FGFBP3: variants seen among roughly 807,000 people sequenced by gnomAD.
The protein encoded by FGFBP3 is fibroblast growth factor-binding protein 3.
FGFBP3 carries 4 observed loss-of-function variants against 4.8 expected under a neutral mutation model. The observed-to-expected ratio is 0.83, with a 90% confidence interval of 0.41 to 1.90. The LOEUF is 1.90. Ranked by LOEUF, FGFBP3 falls within the 40% of genes most tolerant of loss-of-function variation. The probability of loss-of-function intolerance (pLI) is 0.03; values close to 1 mark genes in which losing one functional copy is unlikely to be tolerated. For synonymous variants in FGFBP3, 215 were observed against 190.0 expected, an observed-to-expected ratio of 1.13 and a Z score of -1.08; for missense variants, 429 against 397.4, an observed-to-expected ratio of 1.08 and a Z score of -0.68.
At position 91,908,373 on chromosome 10, in the gene FGFBP3, G is replaced by A. The variant is rs756898341; in HGVS notation, c.597C>T (p.Pro199=). Residue 199 remains proline, a synonymous_variant, in exon 2 of 2, where the codon CCC becomes CCT. Coordinates refer to ENST00000311575, the MANE Select transcript of FGFBP3 (RefSeq NM_152429.5). ...PPQSAPPKEN[P]SERKTNEGKR... is the part of the protein sequence containing the mutation. ...TGCCCTCGTTGGTCTTCCTCTCTGA[G>A]GGGTTTTCTTTGGGCGGTGCGCTTT... is the stretch of plus-strand genomic sequence containing the variant. The A allele has an allele frequency of 7.6e-6, 12 of 1,575,846 alleles. No individual in the cohort carries two copies. The Admixed American group carries it at 7.6e-5, about 10-fold the overall frequency.
rs1843309104 is a variant in FGFBP3 at position 91,907,551 on chromosome 10, A to AG, written c.*641dup. ...CCCTGTCAGGGAAAAAAAAAAAAAA[A>AG]GGTAGCTCTTCTAAAAGAATGGAAA... On this transcript the variant is annotated 3_prime_UTR_variant, in exon 2 of 2. Transcript: ENST00000311575. The AG allele has an allele frequency of 1.3e-5, 2 of 151,838 alleles. No individual in the cohort carries two copies. Among genetic ancestry groups the AG allele is most frequent in the African/African-American group, 2.4e-5 (1 of 41,302 alleles). 9.4% of individuals were successfully genotyped at this position (151,838 alleles called of 1,614,324 possible).
In FGFBP3 at chr10:91,909,426, A is replaced by G. The variant is rs931391422; in HGVS notation, c.-107T>C. ...GTTCTGGGAGAGGCGCCAAAGCCTT[A>G]TTAGGGTAGAGGGAACGACTGCACG... On this transcript the variant is annotated 5_prime_UTR_variant, in exon 1 of 2. Transcript: ENST00000311575. The G allele has an allele frequency of 8.5e-5, 14 of 164,614 alleles. No individual in the cohort carries two copies. Among genetic ancestry groups the G allele is most frequent in the Non-Finnish European group, 1.6e-4 (12 of 76,414 alleles). The allele number at this position is 164,614 out of a possible 1,614,324, so 10.2% of individuals were successfully genotyped here. A position where few individuals can be genotyped will look rare whatever the true frequency, so the allele number is the denominator to read the frequency against.
rs1348264587 is a variant in FGFBP3 at position 91,908,029 on chromosome 10, T to G, written c.*164A>C. 5 of 738,910 alleles carry G rather than the reference T, an allele frequency of 6.8e-6. No individual in the cohort carries two copies. The highest frequency in any genetic ancestry group is 5.6e-5 in the African/African-American group (3 of 53,488). The allele number at this position is 738,910 out of a possible 1,614,324, so 45.8% of individuals were successfully genotyped here. ...TATCCCAGAGATTCTCCATACCCCT[T>G]ACACTCTCATCCCAAGCATCTCACC... is the stretch of plus-strand genomic sequence containing the variant. On this transcript the variant is annotated 3_prime_UTR_variant, in exon 2 of 2. Coordinates refer to ENST00000311575, the MANE Select transcript of FGFBP3 (RefSeq NM_152429.5).
In FGFBP3 at chr10:91,908,961, A is replaced by C; in HGVS notation, c.9T>G (p.Pro3=). The C allele has an allele frequency of 6.3e-7, 1 of 1,585,526 alleles. No individual in the cohort carries two copies. Among genetic ancestry groups the C allele is most frequent in the Non-Finnish European group, 8.6e-7 (1 of 1,167,936 alleles). ...GCGACAGCGACGCTCGCAGCTTCGG[A>C]GGAGTCATGCTCCGCGGTTTCCGCG... MT[P]PKLRASLSPS... is the part of the protein sequence containing the mutation. The change falls in exon 2 of 2, where the codon CCT becomes CCG. Residue 3 remains proline (P), a synonymous_variant. Coordinates refer to ENST00000311575, the MANE Select transcript of FGFBP3 (RefSeq NM_152429.5).
chr10:91,906,614 A>G lies in FGFBP3; in HGVS notation c.*1579T>C, dbSNP rs1481486248. On this transcript the variant is annotated 3_prime_UTR_variant, in exon 2 of 2. Coordinates refer to ENST00000311575, the MANE Select transcript of FGFBP3 (RefSeq NM_152429.5). ...ACACACACACACATTTATATATATA[A>G]TGGAAAAACATATATATAGTTGCCC... The G allele has an allele frequency of 2.6e-5, 4 of 152,178 alleles. No individual in the cohort carries two copies. The East Asian group carries it at 7.7e-4, about 29-fold the overall frequency. The allele number at this position is 152,178 out of a possible 1,614,324, so 9.4% of individuals were successfully genotyped here.
Position 91,908,731 on chromosome 10 carries a change from C to T in FGFBP3, c.239G>A (p.Cys80Tyr), listed in dbSNP as rs1023492868. 8 of 1,376,162 alleles carry T rather than the reference C, an allele frequency of 5.8e-6. No individual in the cohort carries two copies. Among genetic ancestry groups the T allele is most frequent in the Non-Finnish European group, 6.5e-6 (7 of 1,075,146 alleles). 85.2% of individuals were successfully genotyped at this position (1,376,162 alleles called of 1,614,324 possible). A position where few individuals can be genotyped will look rare whatever the true frequency, so the allele number is the denominator to read the frequency against. Reference protein sequence around the residue: ...AAAGSELALRCQSPDGARHQC... With the variant: ...AAAGSELALRYQSPDGARHQC... ...GTGGCGCGCCCCGTCCGGGCTCTGG[C>T]AGCGCAGCGCCAGCTCGCTGCCCGC... The change falls in exon 2 of 2, where the codon TGC becomes TAC. Residue 80 changes from cysteine (C) to tyrosine (Y), a missense_variant. By Grantham distance (194) the Cys-to-Tyr change is radical (BLOSUM62 -2). Transcript: ENST00000311575.
In FGFBP3 at chr10:91,908,606, T is replaced by C; in HGVS notation, c.364A>G (p.Arg122Gly). Reference protein sequence around the residue: ...QVLGGLRKKRRPCHDPAPLQA... With the variant: ...QVLGGLRKKRGPCHDPAPLQA... The stretch of plus-strand genomic sequence containing the variant: ...AGCGGCGCGGGGTCGTGACAGGGCC[T>C]CCGCTTCTTGCGCAGCCCTCCCAGC... Residue 122 changes from arginine to glycine, a missense_variant, in exon 2 of 2, where the codon AGG becomes GGG. Coordinates refer to ENST00000311575, the MANE Select transcript of FGFBP3 (RefSeq NM_152429.5). 1 of 1,428,264 alleles carries C rather than the reference T, an allele frequency of 7.0e-7. No individual in the cohort carries two copies. Among genetic ancestry groups the C allele is most frequent in the Non-Finnish European group, 9.1e-7 (1 of 1,096,272 alleles). The allele number at this position is 1,428,264 out of a possible 1,614,324, so 88.5% of individuals were successfully genotyped here.
Position 91,908,733 on chromosome 10 carries a change from G to C in FGFBP3, c.237C>G (p.Arg79=). The C allele has an allele frequency of 7.2e-7, 1 of 1,380,142 alleles. No individual in the cohort carries two copies. The highest frequency in any genetic ancestry group is 9.3e-7 in the Non-Finnish European group (1 of 1,077,776). 85.5% of individuals were successfully genotyped at this position (1,380,142 alleles called of 1,614,324 possible). The change falls in exon 2 of 2, where the codon CGC becomes CGG. Residue 79 remains arginine, a synonymous_variant. Transcript: ENST00000311575. ...GGCGCGCCCCGTCCGGGCTCTGGCAGCGCAGCGCCAGCTCGCTGCCCGCTG... is the reference window on the plus strand; with the variant it reads ...GGCGCGCCCCGTCCGGGCTCTGGCACCGCAGCGCCAGCTCGCTGCCCGCTG... The part of the protein sequence containing the change: ...EAAAGSELAL[R]CQSPDGARHQ...
In FGFBP3 at chr10:91,908,586, C is replaced by G; in HGVS notation, c.384G>C (p.Ala128=). 1.4e-6 allele frequency: 2 copies of G among 1,419,628 alleles called. No individual in the cohort carries two copies. The highest frequency in any genetic ancestry group is 1.8e-6 in the Non-Finnish European group (2 of 1,093,592). The allele number at this position is 1,419,628 out of a possible 1,614,324, so 87.9% of individuals were successfully genotyped here. A position where few individuals can be genotyped will look rare whatever the true frequency, so the allele number is the denominator to read the frequency against. ...CCGCGCACAAGCGGGCCTGGAGCGG[C>G]GCGGGGTCGTGACAGGGCCTCCGCT... ...RKKRRPCHDP[A]PLQARLCAGK... The change falls in exon 2 of 2, where the codon GCG becomes GCC. Residue 128 remains alanine, a synonymous_variant. Transcript: ENST00000311575.
Position 91,909,032 on chromosome 10 carries a change from G to C in FGFBP3, c.-63C>G. ...GTTTGTCGGGGCTGGACCAGGCAAA[G>C]AGCATTCCCCAGGACCTGCGGACAG... On this transcript the variant is annotated 5_prime_UTR_variant, in exon 2 of 2. Coordinates refer to ENST00000311575, the MANE Select transcript of FGFBP3 (RefSeq NM_152429.5). 1 of 1,502,146 alleles carries C rather than the reference G, an allele frequency of 6.7e-7. No individual in the cohort carries two copies. Among genetic ancestry groups the C allele is most frequent in the Non-Finnish European group, 8.9e-7 (1 of 1,126,374 alleles). 93.1% of individuals were successfully genotyped at this position (1,502,146 alleles called of 1,614,324 possible).
Position 91,908,950 on chromosome 10 carries a change from C to T in FGFBP3, c.20G>A (p.Arg7Gln), listed in dbSNP as rs766847271. The T allele has an allele frequency of 3.8e-6, 6 of 1,592,676 alleles. No individual in the cohort carries two copies. In the African/African-American group the frequency reaches 4.1e-5, roughly 11 times the overall value. MTPPKLRASLSPSLLLL... is the reference protein window; with the variant it reads MTPPKLQASLSPSLLLL... The stretch of plus-strand genomic sequence containing the variant: ...CAGCAGCGACGGCGACAGCGACGCT[C>T]GCAGCTTCGGAGGAGTCATGCTCCG... The change falls in exon 2 of 2, where the codon CGA becomes CAA. Residue 7 changes from arginine to glutamine, a missense_variant. Coordinates refer to ENST00000311575, the MANE Select transcript of FGFBP3 (RefSeq NM_152429.5).
In FGFBP3 at chr10:91,908,976, C is replaced by G. The variant is rs568148727; in HGVS notation, c.-7G>C. 3.2e-6 allele frequency: 5 copies of G among 1,567,806 alleles called. No individual in the cohort carries two copies. Among genetic ancestry groups the G allele is most frequent in the Non-Finnish European group, 4.3e-6 (5 of 1,159,652 alleles). ...GCAGCTTCGGAGGAGTCATGCTCCG[C>G]GGTTTCCGCGCTCCGCTGTTCTCAG... is the stretch of plus-strand genomic sequence containing the variant. On this transcript the variant is annotated 5_prime_UTR_variant, in exon 2 of 2. Transcript: ENST00000311575.
In FGFBP3 at chr10:91,907,289, A is replaced by G. The variant is rs1843306309; in HGVS notation, c.*904T>C. ...AGACTGGAATGTCGAGGCCGCAGTG[A>G]GCCATAATTGCACCACTGCTCCAGT... On this transcript the variant is annotated 3_prime_UTR_variant, in exon 2 of 2. Coordinates refer to ENST00000311575, the MANE Select transcript of FGFBP3 (RefSeq NM_152429.5). The G allele has an allele frequency of 6.6e-6, 1 of 152,200 alleles. No homozygotes were observed. The highest frequency in any genetic ancestry group is 6.5e-5 in the Admixed American group (1 of 15,276). 9.4% of individuals were successfully genotyped at this position (152,200 alleles called of 1,614,324 possible). A position where few individuals can be genotyped will look rare whatever the true frequency, so the allele number is the denominator to read the frequency against.
rs142088635 is a variant in FGFBP3, at chr10:91,909,399, G to C, written c.-80C>G. 1.0e-4 allele frequency: 17 copies of C among 168,008 alleles called. No individual in the cohort carries two copies. Among genetic ancestry groups the C allele is most frequent in the Admixed American group, 7.1e-4 (11 of 15,406 alleles). 10.4% of individuals were successfully genotyped at this position (168,008 alleles called of 1,614,324 possible). On this transcript the variant is annotated splice_region_variant and 5_prime_UTR_variant, in exon 1 of 2. Transcript: ENST00000311575. ...CACTTTACTACACTTTGAACTTACC[G>C]AGTTCTGGGAGAGGCGCCAAAGCCT...
At position 91,908,498 on chromosome 10, in the gene FGFBP3, T is replaced by C. The variant is rs1056475384; in HGVS notation, c.472A>G (p.Thr158Ala). 1.0e-5 allele frequency: 14 copies of C among 1,386,710 alleles called. No individual in the cohort carries two copies. In the African/African-American group the frequency reaches 1.4e-4, roughly 14 times the overall value. The allele number at this position is 1,386,710 out of a possible 1,614,324, so 85.9% of individuals were successfully genotyped here. Residue 158 changes from threonine to alanine, a missense_variant, in exon 2 of 2, where the codon ACC (threonine) becomes GCC (alanine). Transcript: ENST00000311575. Reference protein sequence around the residue: ...VPRASPPARPTVAGFAGESKP... With the variant: ...VPRASPPARPAVAGFAGESKP... ...GACTCCCCCGCGAATCCCGCGACGG[T>C]GGGGCGTGCGGGCGGGGACGCGCGG... is the stretch of plus-strand genomic sequence containing the variant.
In FGFBP3 at chr10:91,908,392, G is replaced by A; in HGVS notation, c.578C>T (p.Ala193Val). 6.5e-7 allele frequency: 1 copy of A among 1,542,454 alleles called. No individual in the cohort carries two copies. Reference sequence around the variant, plus strand: ...CTCTGAGGGGTTTTCTTTGGGCGGTGCGCTTTGGGGAGGCGGGGTCCCAGC... The same window carrying A: ...CTCTGAGGGGTTTTCTTTGGGCGGTACGCTTTGGGGAGGCGGGGTCCCAGC... ...PAAGTPPPQS[A>V]PPKENPSERK... Residue 193 changes from alanine (A) to valine (V), a missense_variant, in exon 2 of 2, where the codon GCA becomes GTA. Coordinates refer to ENST00000311575, the MANE Select transcript of FGFBP3 (RefSeq NM_152429.5).
In FGFBP3 at chr10:91,907,008, CAGAG is replaced by C. The variant is rs1411332220; in HGVS notation, c.*1181_*1184del. On this transcript the variant is annotated 3_prime_UTR_variant, in exon 2 of 2. Transcript: ENST00000311575. Reference sequence around the variant, plus strand: ...TATATTAATAATTAGTTACATGAAACAGAGAGATACAACTTCCATAATGGTCAAA... The same window carrying C: ...TATATTAATAATTAGTTACATGAAACAGATACAACTTCCATAATGGTCAAA... 2 of 151,880 alleles carry C rather than the reference CAGAG, an allele frequency of 1.3e-5. No homozygotes were observed. The highest frequency in any genetic ancestry group is 2.4e-5 in the African/African-American group (1 of 41,326). 9.4% of individuals were successfully genotyped at this position (151,880 alleles called of 1,614,324 possible).
rs1039635491 is a variant in FGFBP3 at position 91,909,027 on chromosome 10, G to T, written c.-58C>A. 4 of 1,506,192 alleles carry T rather than the reference G, an allele frequency of 2.7e-6. No individual in the cohort carries two copies. The African/African-American group carries it at 4.3e-5, about 16-fold the overall frequency. 93.3% of individuals were successfully genotyped at this position (1,506,192 alleles called of 1,614,324 possible). A position where few individuals can be genotyped will look rare whatever the true frequency, so the allele number is the denominator to read the frequency against. On this transcript the variant is annotated 5_prime_UTR_variant, in exon 2 of 2. Transcript: ENST00000311575. The stretch of plus-strand genomic sequence containing the variant: ...ACCACGTTTGTCGGGGCTGGACCAG[G>T]CAAAGAGCATTCCCCAGGACCTGCG...
Position 91,908,369 on chromosome 10 carries a change from C to G in FGFBP3, c.601G>C (p.Glu201Gln). 1.9e-6 allele frequency: 3 copies of G among 1,577,826 alleles called. No individual in the cohort carries two copies. Among genetic ancestry groups the G allele is most frequent in the Non-Finnish European group, 2.6e-6 (3 of 1,165,144 alleles). ...QSAPPKENPS[E>Q]RKTNEGKRKA... ...CTCTTGCCCTCGTTGGTCTTCCTCT[C>G]TGAGGGGTTTTCTTTGGGCGGTGCG... Residue 201 changes from glutamate to glutamine, a missense_variant, in exon 2 of 2, where the codon GAG becomes CAG. Transcript: ENST00000311575.
Sources: allele counts gnomAD v4.1 joint callset, GRCh38; gene constraint gnomAD v4.1.1; transcripts MANE v1.5; gene names NCBI Gene and HGNC (gene_info 2026-07-23, HGNC 2026-07-21).